PDCD6: variants seen among roughly 807,000 people sequenced by gnomAD.
The protein encoded by PDCD6 is programmed cell death protein 6.
Under a neutral mutation model 28.3 loss-of-function variants are expected in PDCD6, and 12 were observed. That is an observed-to-expected ratio of 0.42 (90% CI 0.27 to 0.69). PDCD6 has a LOEUF of 0.69. PDCD6 is among the 30% of genes least tolerant of loss of function. The pLI is 0.22. For missense variants in PDCD6, 226 were observed against 269.9 expected, an observed-to-expected ratio of 0.84 and a Z score of 1.14; for synonymous variants, 92 against 108.0, an observed-to-expected ratio of 0.85 and a Z score of 0.92.
At chr5:294,696 CG>C (rs1319433512) in intron 2 of PDCD6, among the ~76,000 whole-genome samples, 4 of 150,288 alleles carry the variant, frequency 2.7e-5, no homozygotes, top group African/African-American at 9.9e-5. Flanking sequence ...GCTCCTGAAA[CG>C]TCCCCCAAGA....
intron 4 of PDCD6, chr5:309,498 G>C: frequency 4.8e-6 from 1 of 208,692 alleles, no homozygotes; most frequent in African/African-American, 2.4e-5. Flanking sequence ...GCAGACTGGA[G>C]TTCCTCTGCC....
chr5:314,353 T>C, intron 5 of PDCD6, 64 bp from the exon 6 acceptor site: 2 of 1,230,334 alleles, frequency 1.6e-6, no homozygotes, highest in Non-Finnish European at 2.4e-6. Context: ...CTACATGCCT[T>C]TGTCCCAGTG....
rs550777111 is a variant in PDCD6 at position 280,038 on chromosome 5, A to G, written c.163+7266A>G. ...CGATATTTCAGTGGAGACTCCAAGG[A>G]CGAATGGTATTTAGAGAGTAAACCC... On this transcript the variant is annotated intron_variant, in intron 2 of 5. Coordinates refer to ENST00000264933, the MANE Select transcript of PDCD6 (RefSeq NM_013232.4). Among the ~76,000 whole-genome samples the G allele has an allele frequency of 2.1e-3, 312 of 148,388 alleles. 1 individual carries two copies. The highest frequency in any genetic ancestry group is 7.2e-3 in the African/African-American group (290 of 40,346).
intron 2 of PDCD6, among the ~76,000 whole-genome samples, chr5:303,393 A>G (rs373552399): frequency 9.9e-5 from 15 of 151,466 alleles, no homozygotes; most frequent in African/African-American, 2.7e-4. Context: ...GTTCATTTTT[A>G]GTGAGTATGG....
At chr5:272,046 C>G (rs192475405) in intron 1 of PDCD6, among the ~76,000 whole-genome samples, 4 of 151,998 alleles carry the variant, frequency 2.6e-5, no homozygotes, top group South Asian at 2.1e-4. Context: ...CGGTCTCCCC[C>G]GTCCGCTGCC....
intron 2 of PDCD6, among the ~76,000 whole-genome samples, chr5:299,770 C>G (rs554755108): frequency 6.6e-6 from 1 of 152,122 alleles, no homozygotes; most frequent in African/African-American, 2.4e-5. Context: ...AGGATGGTCT[C>G]GATCTCCTCA....
chr5:273,515 T>C (rs1737976801), intron 2 of PDCD6: 1 of 152,638 alleles, frequency 6.6e-6, no homozygotes, highest in African/African-American at 2.4e-5. Context: ...TGATTCTGTG[T>C]ATAGTTTGCT....
Position 307,028 on chromosome 5 carries a change from C to T in PDCD6, c.367+268C>T, listed in dbSNP as rs1740543487. 1.3e-5 allele frequency among the ~76,000 whole-genome samples: 2 copies of T among 152,206 alleles called. No individual in the cohort carries two copies. Among genetic ancestry groups the T allele is most frequent in the South Asian group, 4.1e-4 (2 of 4,832 alleles). On this transcript the variant is annotated intron_variant, in intron 4 of 5. Transcript: ENST00000264933. The surrounding 1 kb of genome is among the most constrained non-coding windows in gnomAD (Gnocchi z 6.1). ...AAGTGGAATGATGTCGTGAGCAAAA[C>T]TGAGAATGTGGCTTTTGAAATCATT...
In PDCD6 at chr5:299,796, G is replaced by A. The variant is rs377052290; in HGVS notation, c.164-4381G>A. Among the ~76,000 whole-genome samples, 144 of 152,186 alleles carry A rather than the reference G, an allele frequency of 9.5e-4. 4 individuals are homozygous for A. Among genetic ancestry groups the A allele is most frequent in the East Asian group, 6.2e-3 (32 of 5,172 alleles). On this transcript the variant is annotated intron_variant, in intron 2 of 5. Coordinates refer to ENST00000264933, the MANE Select transcript of PDCD6 (RefSeq NM_013232.4). ...GATCTCCTCACCTGGTGATCCGCCC[G>A]CCTTGGCCTCCCAAAGTGCTGGGAT... is the stretch of plus-strand genomic sequence containing the variant.
At chr5:288,985 C>G (rs1299496449) in intron 2 of PDCD6, 7 of 1,279,824 alleles carry the variant, frequency 5.5e-6, no homozygotes, top group Non-Finnish European at 8.0e-6. Context: ...TCAGGGCCTT[C>G]GTTTTCATTA....
At chr5:277,301 ATTTTT>A (rs74799424) in intron 2 of PDCD6, among the ~76,000 whole-genome samples, 3 of 86,188 alleles carry the variant, frequency 3.5e-5, no homozygotes, top group Non-Finnish European at 6.5e-5. Context: ...AATTTTTTGT[ATTTTT>A]TTTTTTTTTT....
intron 2 of PDCD6, among the ~76,000 whole-genome samples, chr5:275,201 C>T (rs540197205): frequency 6.6e-6 from 1 of 152,158 alleles, no homozygotes; most frequent in Admixed American, 6.5e-5. Context: ...CAGGGGGATC[C>T]CTTGAGCCCA....
chr5:311,457 C>A, intron 5 of PDCD6, 55 bp downstream of exon 5: 1 of 1,147,162 alleles, frequency 8.7e-7, no homozygotes, highest in Non-Finnish European at 1.3e-6. Flanking sequence ...GCTTGCTTGC[C>A]AGCGTGATGC....
chr5:313,047 A>C (rs1034340108), intron 5 of PDCD6, among the ~76,000 whole-genome samples: 44 of 152,330 alleles, frequency 2.9e-4, no homozygotes, highest in African/African-American at 9.6e-4. Context: ...GCACATCTGC[A>C]GCCAGCGTAG....
In PDCD6 at chr5:292,971, C is replaced by T. The variant is rs909645241; in HGVS notation, c.164-11206C>T. On this transcript the variant is annotated intron_variant, in intron 2 of 5. Transcript: ENST00000264933. The stretch of plus-strand genomic sequence containing the variant: ...CACGTTTGGCTCCCACACAGCTGGG[C>T]GGCCCCAAGACCTGCTCTGCCTGGG... 9.5e-4 allele frequency among the ~76,000 whole-genome samples: 144 copies of T among 152,302 alleles called. 1 individual carries two copies. Among genetic ancestry groups the T allele is most frequent in the African/African-American group, 3.0e-3 (125 of 41,552 alleles).
chr5:306,897 A>G, intron 4 of PDCD6, 137 bp downstream of exon 4: 1 of 804,290 alleles, frequency 1.2e-6, no homozygotes. Flanking sequence ...ATGCAGGTTC[A>G]TATTTGATAT....
At chr5:289,075 C>CAG (rs1193094783) in intron 2 of PDCD6, 28 of 1,269,188 alleles carry the variant, frequency 2.2e-5, no homozygotes, top group African/African-American at 2.9e-5. Context: ...AAAGTCTCTT[C>CAG]ATTCACAGTT....
Position 271,773 on chromosome 5 carries a change from C to T in PDCD6, c.53C>T (p.Ala18Val), listed in dbSNP as rs775280286. 1.3e-6 allele frequency: 2 copies of T among 1,491,866 alleles called. No individual in the cohort carries two copies. The highest frequency in any genetic ancestry group is 1.8e-6 in the Non-Finnish European group (2 of 1,127,094). 92.4% of individuals were successfully genotyped at this position (1,491,866 alleles called of 1,614,324 possible). A position where few individuals can be genotyped will look rare whatever the true frequency, so the allele number is the denominator to read the frequency against. ...CCTGGGGCCGGCCCTGGGCCTGCTG[C>T]AGGCGCGGCGCTGCCGGACCAGAGC... ...PGPGAGPGPA[A>V]GAALPDQSFL... is the part of the protein sequence containing the mutation. Residue 18 changes from alanine to valine, a missense_variant, in exon 1 of 6, where the codon GCA becomes GTA. Transcript: ENST00000264933.
chr5:288,718 G>T (rs140348262), intron 2 of PDCD6: 1 of 354,674 alleles, frequency 2.8e-6, no homozygotes, highest in South Asian at 5.2e-5. Context: ...GTACTTTATT[G>T]TTTTACAACC....
Sources: gnomAD v4.1 joint callset for allele counts (sites outside exome capture counted in the v4.1 genomes callset) on GRCh38, gnomAD v4.1.1 for gene constraint, Gnocchi (gnomAD v3.1) non-coding constraint, MANE v1.5 for transcripts, NCBI Gene and HGNC (gene_info 2026-07-23, HGNC 2026-07-21) for gene names.